The following DIP2C variants were observed in gnomAD, a reference collection of about 807,000 sequenced individuals.
DIP2C encodes the protein disco-interacting protein 2 homolog C.
In DIP2C, 33 loss-of-function variants were observed where a neutral mutation model predicts 192.4. The observed-to-expected ratio is 0.17, with a 90% CI of 0.13 to 0.23. DIP2C has a LOEUF of 0.23. Among genes scored for constraint, DIP2C ranks in the 10% least tolerant of loss-of-function variants. The pLI is 1.00. For synonymous variants in DIP2C, 979 were observed against 864.1 expected (o/e 1.13, Z -2.33); for missense variants, 1,537 against 2,110.1 (o/e 0.73, Z 5.32).
chr10:485,072 G>T (rs1215964152), intron 2 of DIP2C: 3 of 1,260,216 alleles, frequency 2.4e-6, no homozygotes, highest in South Asian at 3.1e-5. Flanking sequence ...GGACCACAGG[G>T]CACGACCGCC....
At chr10:618,026 T>C (rs1427087092) in intron 1 of DIP2C, among the ~76,000 whole-genome samples, 1 of 152,218 alleles carries the variant, frequency 6.6e-6, no homozygotes, top group African/African-American at 2.4e-5. Flanking sequence ...GACCCAGTAC[T>C]GTCCCACTCT....
At chr10:527,279 C>G (rs1045302804) in intron 1 of DIP2C, among the ~76,000 whole-genome samples, 1 of 152,178 alleles carries the variant, frequency 6.6e-6, no homozygotes. Context: ...ATGGCCTGGC[C>G]TCCCGACCCT....
At chr10:678,743 ATCTC>A (rs1830976434) in intron 1 of DIP2C, among the ~76,000 whole-genome samples, 5 of 28,816 alleles carry the variant, frequency 1.7e-4, no homozygotes, top group African/African-American at 5.0e-4. Context: ...CCCCGCGCCC[ATCTC>A]TGCTCCCCAT....
chr10:312,185 CCAAA>C (rs886617010), intron 31 of DIP2C, among the ~76,000 whole-genome samples: 8 of 152,294 alleles, frequency 5.3e-5, no homozygotes, highest in South Asian at 2.1e-4. Flanking sequence ...TTGCTGTTCC[CCAAA>C]CAGAGACACC....
chr10:414,743 A>AGTGTGTGTGTG lies in DIP2C; in HGVS notation c.860-634_860-633insCACACACACAC, dbSNP rs1564680031. Among the ~76,000 whole-genome samples the AGTGTGTGTGTG allele has an allele frequency of 4.3e-4, 28 of 64,460 alleles. 1 individual carries two copies. The East Asian group carries it at 0.01, about 24-fold the overall frequency. The allele number at this position is 64,460 out of a possible 152,430, so 42.3% of individuals were successfully genotyped here. On this transcript the variant is annotated intron_variant, in intron 7 of 36. Transcript: ENST00000280886. ...TGTGTGTGTGTGTGTGTGTGTGTAC[A>AGTGTGTGTGTG]TATATATATATATAATGTGTATATA...
Position 370,413 on chromosome 10 carries a change from C to T in DIP2C, c.1992-780G>A, listed in dbSNP as rs150980678. 2.0e-3 allele frequency among the ~76,000 whole-genome samples: 306 copies of T among 152,320 alleles called. 4 individuals are homozygous for T. Among genetic ancestry groups the T allele is most frequent in the African/African-American group, 7.0e-3 (291 of 41,576 alleles). On this transcript the variant is annotated intron_variant, in intron 17 of 36. Transcript: ENST00000280886. ...GACGTTCCTCCGGCAGACGTCCACA[C>T]GGCCCTCTCCCTGTCTCCAGGGGAC...
intron 3 of DIP2C, among the ~76,000 whole-genome samples, chr10:442,126 T>C (rs1043102488): frequency 1.6e-4 from 24 of 152,112 alleles, no homozygotes; most frequent in African/African-American, 3.4e-4. Context: ...CAGAATAAAA[T>C]CACCACCAAC....
rs529282033 is a variant in DIP2C at position 637,543 on chromosome 10, T to C, written c.85+51951A>G. On this transcript the variant is annotated intron_variant, in intron 1 of 36. Coordinates refer to ENST00000280886, the MANE Select transcript of DIP2C (RefSeq NM_014974.3). Reference sequence around the variant, plus strand: ...GTGGAAGGAGCGAGGGAGCTCTCTGTAGTCCCTTTTATGAGGGCACAAATC... The same window carrying C: ...GTGGAAGGAGCGAGGGAGCTCTCTGCAGTCCCTTTTATGAGGGCACAAATC... Among the ~76,000 whole-genome samples the C allele has an allele frequency of 2.6e-5, 4 of 152,326 alleles. No homozygotes were observed. In the East Asian group the frequency reaches 5.8e-4, roughly 22 times the overall value.
At chr10:579,698 T>C (rs1228733986) in intron 1 of DIP2C, among the ~76,000 whole-genome samples, 4 of 152,082 alleles carry the variant, frequency 2.6e-5, no homozygotes, top group Non-Finnish European at 5.9e-5. Context: ...AACATGTATG[T>C]ACACATAGTG....
At chr10:628,955 C>G (rs1588635434) in intron 1 of DIP2C, 1 of 152,374 alleles carries the variant, frequency 6.6e-6, no homozygotes, top group Admixed American at 6.5e-5. Flanking sequence ...GGGGCTGGGA[C>G]TGCTCTGCAC....
intron 32 of DIP2C, among the ~76,000 whole-genome samples, chr10:297,225 CCCCCA>C (rs1955800574): frequency 7.9e-6 from 1 of 126,034 alleles, no homozygotes; most frequent in Non-Finnish European, 1.6e-5. Context: ...AACCAACCCC[CCCCCA>C]CCCCACCACA....
chr10:469,359 G>A (rs4881327), intron 3 of DIP2C, among the ~76,000 whole-genome samples: 2 of 147,836 alleles, frequency 1.4e-5, no homozygotes, highest in African/African-American at 5.1e-5. Flanking sequence ...CTCTGTCGCC[G>A]AGGCTGGAGT....
At chr10:562,565 C>T (rs1318146728) in intron 1 of DIP2C, among the ~76,000 whole-genome samples, 1 of 152,148 alleles carries the variant, frequency 6.6e-6, no homozygotes, top group Non-Finnish European at 1.5e-5. Context: ...CACGGATGGT[C>T]GTAATTTAAG....
At chr10:541,567 A>T (rs1847989401) in intron 1 of DIP2C, among the ~76,000 whole-genome samples, 1 of 128,200 alleles carries the variant, frequency 7.8e-6, no homozygotes, top group Non-Finnish European at 1.6e-5. Flanking sequence ...CCACCTGAAC[A>T]CCCCCATCTC....
intron 29 of DIP2C, among the ~76,000 whole-genome samples, chr10:337,347 T>TGC (rs1261712085): frequency 1.0e-5 from 1 of 96,814 alleles, no homozygotes; most frequent in Non-Finnish European, 2.3e-5. Flanking sequence ...GGCAGGTGTG[T>TGC]GCGCGCGTGT....
At chr10:523,115 ACT>A (rs891610764) in intron 1 of DIP2C, among the ~76,000 whole-genome samples, 5 of 149,136 alleles carry the variant, frequency 3.4e-5, no homozygotes, top group East Asian at 4.0e-4. Flanking sequence ...GGATGCAGGG[ACT>A]CTGTGTCACC....
chr10:390,652 T>C (rs931959227), intron 11 of DIP2C, 88 bp downstream of exon 11: 15 of 1,541,394 alleles, frequency 9.7e-6, no homozygotes, highest in Non-Finnish European at 1.3e-5. Context: ...CCACAGAGGA[T>C]TGAAACCGAG....
At chr10:356,357 G>T in intron 24 of DIP2C, 69 bp downstream of exon 24, 1 of 1,533,238 alleles carries the variant, frequency 6.5e-7, no homozygotes, top group East Asian at 2.2e-5. Context: ...AAAGAAGCAG[G>T]AGCGCTCCCA....
chr10:646,939 C>T (rs978645387), intron 1 of DIP2C, among the ~76,000 whole-genome samples: 14 of 152,244 alleles, frequency 9.2e-5, no homozygotes, highest in African/African-American at 3.4e-4. Context: ...GCCTTCATAC[C>T]TATTAAAAAC....
Sources: gnomAD v4.1 joint callset for allele counts (sites outside exome capture counted in the v4.1 genomes callset) on GRCh38, gnomAD v4.1.1 for gene constraint, MANE v1.5 for transcripts, NCBI Gene and HGNC (gene_info 2026-07-23, HGNC 2026-07-21) for gene names.